Variants in ANOS1 observed in about 807,000 individuals in gnomAD.
The protein encoded by ANOS1 is anosmin-1.
ANOS1 carries 6 observed loss-of-function variants against 59.0 expected under a neutral mutation model. The observed-to-expected ratio is 0.10, with a 90% CI of 0.06 to 0.20. The LOEUF (loss-of-function observed/expected upper bound fraction) is 0.20, where lower values mean the gene tolerates loss of function less well. Ranked by LOEUF, ANOS1 falls within the 10% of genes least tolerant of loss-of-function variation. ANOS1 has a pLI of 1.00. For synonymous variants in ANOS1, 217 were observed against 223.4 expected, an observed-to-expected ratio of 0.97 and a Z score of 0.25; for missense variants, 433 against 542.3, an observed-to-expected ratio of 0.80 and a Z score of 2.00.
intron 1 of ANOS1, among the ~76,000 whole-genome samples, chrX:8,718,718 T>G (rs940202626): frequency 8.9e-6 from 1 of 111,790 alleles, no homozygotes; most frequent in Non-Finnish European, 1.9e-5. Flanking sequence ...TAACCTCTGA[T>G]GTCTGGTTGC....
intron 3 of ANOS1, among the ~76,000 whole-genome samples, chrX:8,615,670 T>C (rs1931161480): frequency 9.0e-6 from 1 of 111,531 alleles, no homozygotes; most frequent in East Asian, 2.8e-4. Flanking sequence ...CTGAGAAAAG[T>C]AAAGCATTCA....
intron 3 of ANOS1, among the ~76,000 whole-genome samples, chrX:8,614,081 T>A (rs891176044): frequency 8.9e-6 from 1 of 112,045 alleles, no homozygotes; most frequent in Non-Finnish European, 1.9e-5. Flanking sequence ...TGCTGGACAC[T>A]GGAGTTGGCA....
At chrX:8,577,323 A>G (rs781254395) in intron 6 of ANOS1, among the ~76,000 whole-genome samples, 1 of 111,755 alleles carries the variant, frequency 8.9e-6, no homozygotes, top group African/African-American at 3.2e-5. Context: ...TCTTCAAGTG[A>G]GAGGATGGGA....
intron 7 of ANOS1, 73 bp from the exon 8 acceptor site, chrX:8,568,449 G>A (rs182652302): frequency 3.2e-4 from 315 of 973,503 alleles, no homozygotes; most frequent in South Asian, 2.0e-3. Context: ...GCAAAATCTC[G>A]TGTGTCATTA....
intron 2 of ANOS1, among the ~76,000 whole-genome samples, chrX:8,659,538 TTTCCTTCC>T (rs200912660): frequency 4.2e-3 from 399 of 94,834 alleles, no homozygotes; most frequent in African/African-American, 0.017. Context: ...TTTCTTTCTC[TTTCCTTCC>T]TTCCTTCCTT....
chrX:8,600,703 G>A (rs776631278), intron 3 of ANOS1, among the ~76,000 whole-genome samples: 1 of 112,304 alleles, frequency 8.9e-6, no homozygotes, highest in South Asian at 3.7e-4. Flanking sequence ...ACTTCATTGA[G>A]TTTTGAAGCT....
rs769843705 is a variant in ANOS1, at chrX:8,576,491, TACAC to T, written c.857-5791_857-5788del. ...ATACACACACACACACACACACACA[TACAC>T]ACACACACACACACACACACACATA... On this transcript the variant is annotated intron_variant, in intron 6 of 13. Coordinates refer to ENST00000262648, the MANE Select transcript of ANOS1 (RefSeq NM_000216.4). Among the ~76,000 whole-genome samples the T allele has an allele frequency of 2.3e-3, 214 of 93,451 alleles. 1 individual carries two copies. The highest frequency in any genetic ancestry group is 7.5e-3 in the South Asian group (15 of 1,993). 81.2% of individuals were successfully genotyped at this position (93,451 alleles called of 115,157 possible).
intron 2 of ANOS1, among the ~76,000 whole-genome samples, chrX:8,645,966 T>A (rs1931746368): frequency 9.2e-6 from 1 of 109,104 alleles, no homozygotes; most frequent in Admixed American, 9.7e-5. Context: ...TTTTTGTATT[T>A]TTGTAGAGAT....
rs142561722 is a variant in ANOS1 at position 8,652,109 on chromosome X, A to G, written c.256-28439T>C. On this transcript the variant is annotated intron_variant, in intron 2 of 13. Coordinates refer to ENST00000262648, the MANE Select transcript of ANOS1 (RefSeq NM_000216.4). ...CAAGCATGCACCACCATGCCTGGCT[A>G]ATTTTTTTTCCTCACTAATTTTTGA... Among the ~76,000 whole-genome samples, 667 of 110,077 alleles carry G rather than the reference A, an allele frequency of 6.1e-3. 5 individuals carry two copies. The highest frequency in any genetic ancestry group is 0.021 in the African/African-American group (642 of 30,236).
At chrX:8,722,756 G>A (rs916151735) in intron 1 of ANOS1, among the ~76,000 whole-genome samples, 11 of 112,093 alleles carry the variant, frequency 9.8e-5, no homozygotes, top group Non-Finnish European at 1.3e-4. Flanking sequence ...TGGATCAAAT[G>A]GTAGTTCTAC....
At chrX:8,651,061 C>T (rs191181128) in intron 2 of ANOS1, among the ~76,000 whole-genome samples, 2 of 112,925 alleles carry the variant, frequency 1.8e-5, no homozygotes, top group East Asian at 5.6e-4. Flanking sequence ...CGGACGGGAG[C>T]GATGCCTGGG....
chrX:8,532,753 C>T lies in ANOS1; in HGVS notation c.*242G>A, dbSNP rs1008046542. ...CATGAAAACAAAATTTAGCATTAAA[C>T]AGGCCTATTCTTCATTTTCTCCATG... is the stretch of plus-strand genomic sequence containing the variant. On this transcript the variant is annotated 3_prime_UTR_variant, in exon 14 of 14. Transcript: ENST00000262648. 1 of 332,301 alleles carries T rather than the reference C, an allele frequency of 3.0e-6. No homozygotes were observed. Among genetic ancestry groups the T allele is most frequent in the African/African-American group, 2.6e-5 (1 of 38,413 alleles). 27.4% of individuals were successfully genotyped at this position (332,301 alleles called of 1,213,427 possible).
At chrX:8,601,795 C>T (rs1930847707) in intron 3 of ANOS1, among the ~76,000 whole-genome samples, 1 of 112,419 alleles carries the variant, frequency 8.9e-6, no homozygotes, top group Non-Finnish European at 1.9e-5. Flanking sequence ...AGTTGGCCCA[C>T]AATACATACT....
At chrX:8,636,871 TTAA>T (rs1214510353) in intron 2 of ANOS1, among the ~76,000 whole-genome samples, 1 of 112,263 alleles carries the variant, frequency 8.9e-6, no homozygotes, top group African/African-American at 3.2e-5. Flanking sequence ...CTGCTCCAGA[TTAA>T]TGAGTTAGAC....
intron 10 of ANOS1, among the ~76,000 whole-genome samples, chrX:8,537,749 C>CGT (rs202035920): frequency 0.04 from 3,815 of 94,645 alleles, 90 homozygotes; most frequent in African/African-American, 0.07. Flanking sequence ...ATGGTTTTTA[C>CGT]GTGTGTGTGT....
chrX:8,554,553 T>G (rs866420178), intron 8 of ANOS1, among the ~76,000 whole-genome samples: 36 of 95,623 alleles, frequency 3.8e-4, no homozygotes, highest in African/African-American at 1.4e-3. Context: ...TTTTTTTTTT[T>G]TTTTTTTTTT....
intron 9 of ANOS1, among the ~76,000 whole-genome samples, chrX:8,540,665 T>G (rs1929668082): frequency 9.3e-6 from 1 of 107,677 alleles, no homozygotes; most frequent in South Asian, 4.2e-4. Flanking sequence ...TTTAACATCT[T>G]GTCCCCCAAC....
intron 2 of ANOS1, among the ~76,000 whole-genome samples, chrX:8,651,537 T>A (rs1008808761): frequency 2.7e-5 from 3 of 112,432 alleles, no homozygotes; most frequent in Non-Finnish European, 5.6e-5. Context: ...AATTTCGTAG[T>A]CTTACCTGAT....
rs750055908 is a variant in ANOS1, at chrX:8,623,741, C to T, written c.256-71G>A. 3.6e-6 allele frequency: 3 copies of T among 832,857 alleles called. No homozygotes were observed. The African/African-American group carries it at 6.1e-5, about 17-fold the overall frequency. The allele number at this position is 832,857 out of a possible 1,213,427, so 68.6% of individuals were successfully genotyped here. On this transcript the variant is annotated intron_variant, in intron 2 of 13. Transcript: ENST00000262648. ...AAAGCTGAGAGGAAAAAAGAATTCA[C>T]CTGTGATTGTTGCTTTTTCAATGCC...
Sources: allele counts gnomAD v4.1 joint callset (sites outside exome capture counted in the v4.1 genomes callset), GRCh38; gene constraint gnomAD v4.1.1; transcripts MANE v1.5; gene names NCBI Gene and HGNC (gene_info 2026-07-23, HGNC 2026-07-21).